Variants in CECR2 observed in about 807,000 individuals in gnomAD.
CECR2 encodes the protein CECR2 histone acetyl-lysine reader.
A neutral mutation model predicts 154.5 loss-of-function variants in CECR2; 30 were observed. The observed-to-expected ratio is 0.19, with a 90% CI of 0.15 to 0.26. The LOEUF is 0.26. Among genes scored for constraint, CECR2 ranks in the 10% least tolerant of loss-of-function variants. The pLI is 1.00. For synonymous variants in CECR2, 725 were observed against 683.7 expected, an observed-to-expected ratio of 1.06 and a Z score of -0.94; for missense variants, 1,743 against 1,829.3, an observed-to-expected ratio of 0.95 and a Z score of 0.86.
intron 1 of CECR2, among the ~76,000 whole-genome samples, chr22:17,378,254 A>G (rs2146460270): frequency 6.8e-6 from 1 of 147,762 alleles, no homozygotes; most frequent in Middle Eastern, 3.8e-3. Flanking sequence ...AAGTGCTGGG[A>G]TTACAGGTGT....
chr22:17,472,421 C>T (rs1241965688), intron 1 of CECR2, among the ~76,000 whole-genome samples: 1 of 152,190 alleles, frequency 6.6e-6, no homozygotes, highest in African/African-American at 2.4e-5. Flanking sequence ...CTTCAAGAGG[C>T]CTGCTTTGCA....
intron 9 of CECR2, among the ~76,000 whole-genome samples, chr22:17,530,944 C>T (rs778420328): frequency 1.3e-5 from 2 of 152,168 alleles, no homozygotes; most frequent in Admixed American, 6.6e-5. Context: ...TTTAACGTTA[C>T]AGACTGGAGT....
chr22:17,463,510 C>T (rs925542245), intron 1 of CECR2, among the ~76,000 whole-genome samples: 2 of 151,984 alleles, frequency 1.3e-5, no homozygotes, highest in African/African-American at 4.8e-5. Flanking sequence ...ATATAGTCAT[C>T]AGGATTTGTT....
chr22:17,391,627 A>G (rs1000144723), intron 1 of CECR2, among the ~76,000 whole-genome samples: 2 of 152,210 alleles, frequency 1.3e-5, no homozygotes, highest in African/African-American at 4.8e-5. Context: ...ATTTTCTTTC[A>G]TTTTAGATTT....
At chr22:17,479,449 G>C (rs553637849) in intron 2 of CECR2, among the ~76,000 whole-genome samples, 10 of 152,300 alleles carry the variant, frequency 6.6e-5, no homozygotes, top group African/African-American at 2.4e-4. Flanking sequence ...AATTACAACA[G>C]TAAGTGCTTA....
upstream of CECR2, among the ~76,000 whole-genome samples, chr22:17,367,737 G>C (rs1013913837): frequency 6.6e-6 from 1 of 152,338 alleles, no homozygotes; most frequent in East Asian, 1.9e-4. Flanking sequence ...GGAAATAAAA[G>C]ACGGAGAAGC....
intron 1 of CECR2, among the ~76,000 whole-genome samples, chr22:17,443,483 C>G (rs1354362349): frequency 6.6e-6 from 1 of 152,098 alleles, no homozygotes; most frequent in African/African-American, 2.4e-5. Context: ...TGGAAAGGCA[C>G]CAGCAGGGAG....
intron 9 of CECR2, among the ~76,000 whole-genome samples, chr22:17,535,391 A>G (rs544709799): frequency 6.3e-4 from 96 of 152,264 alleles, no homozygotes; most frequent in African/African-American, 2.2e-3. Context: ...AAGTTTACAT[A>G]TATACTTTTT....
rs1208276576 is a variant in CECR2 at position 17,556,435 on chromosome 22, G to A, written c.*3595G>A. ...CATTATCCCATGCCATTTATCTGCT[G>A]TATAGTTACTATATTATTTTTGCTG... On this transcript the variant is annotated 3_prime_UTR_variant, in exon 19 of 19. Coordinates refer to ENST00000262608, the MANE Select transcript of CECR2 (RefSeq NM_001290047.2). 1.3e-5 allele frequency: 2 copies of A among 152,162 alleles called. No homozygotes were observed. Among genetic ancestry groups the A allele is most frequent in the East Asian group, 1.9e-4 (1 of 5,200 alleles). 9.4% of individuals were successfully genotyped at this position (152,162 alleles called of 1,614,324 possible). A position where few individuals can be genotyped will look rare whatever the true frequency, so the allele number is the denominator to read the frequency against.
intron 1 of CECR2, among the ~76,000 whole-genome samples, chr22:17,473,733 C>A (rs1016949083): frequency 6.6e-6 from 1 of 152,092 alleles, no homozygotes; most frequent in Non-Finnish European, 1.5e-5. Flanking sequence ...TTGTAGTAAA[C>A]ACATTTTAAA....
At chr22:17,452,406 A>C (rs938096272) in intron 1 of CECR2, among the ~76,000 whole-genome samples, 4 of 152,116 alleles carry the variant, frequency 2.6e-5, no homozygotes, top group African/African-American at 9.7e-5. Flanking sequence ...AGTCTTTTTT[A>C]AAAGGATCCC....
Position 17,548,405 on chromosome 22 carries a change from G to C in CECR2, c.3118G>C (p.Val1040Leu). Reference protein sequence around the residue: ...SYPGPAAQGCVRDLSTVADRG... With the variant: ...SYPGPAAQGCLRDLSTVADRG... ...CCCCGGCCCAGCCGCCCAAGGGTGC[G>C]TGAGAGACCTCTCCACGGTGGCAGA... Residue 1040 changes from valine to leucine, a missense_variant, in exon 17 of 19, where the codon GTG (valine) becomes CTG (leucine). Around this residue, in one of 4 missense-constraint regions of CECR2, gnomAD observed 1,250 missense variants for 1,192.1 expected, o/e 1.05. Transcript: ENST00000262608. 1 of 1,613,902 alleles carries C rather than the reference G, an allele frequency of 6.2e-7. No individual in the cohort carries two copies. The highest frequency in any genetic ancestry group is 8.5e-7 in the Non-Finnish European group (1 of 1,179,858).
intron 2 of CECR2, 96 bp downstream of exon 2, chr22:17,477,778 A>T: frequency 1.2e-6 from 1 of 836,568 alleles, no homozygotes; most frequent in Non-Finnish European, 2.0e-6. Context: ...ACCAGAACCG[A>T]TCATTAGGCA....
chr22:17,436,844 T>C (rs1359580226), intron 1 of CECR2, among the ~76,000 whole-genome samples: 1 of 152,266 alleles, frequency 6.6e-6, no homozygotes, highest in Non-Finnish European at 1.5e-5. Flanking sequence ...AGCCTTGGGC[T>C]CTTGCGCCTC....
intron 1 of CECR2, among the ~76,000 whole-genome samples, chr22:17,379,378 G>C (rs1239513822): frequency 6.6e-6 from 1 of 152,222 alleles, no homozygotes; most frequent in Non-Finnish European, 1.5e-5. Context: ...CCTACAAAAG[G>C]CCTCCCTGAA....
chr22:17,360,458 G>A (rs942422793), intron 1 of CECR2, among the ~76,000 whole-genome samples: 3 of 152,158 alleles, frequency 2.0e-5, no homozygotes, highest in Non-Finnish European at 4.4e-5. Flanking sequence ...GAGGCCGGCA[G>A]ATCAGTTCAG....
Position 17,403,827 on chromosome 22 carries a change from GT to G in CECR2, c.126+33922del, listed in dbSNP as rs2053932825. On this transcript the variant is annotated intron_variant, in intron 1 of 18. Transcript: ENST00000262608. Reference sequence around the variant, plus strand: ...TTGTTTCTTACATTTTCTTCTAGAAGTTTTATTGTTTTAGATTTACCATTTA... The same window carrying G: ...TTGTTTCTTACATTTTCTTCTAGAAGTTTATTGTTTTAGATTTACCATTTA... 2.3e-5 allele frequency among the ~76,000 whole-genome samples: 3 copies of G among 131,656 alleles called. No individual in the cohort carries two copies. In the South Asian group the frequency reaches 6.9e-4, roughly 30 times the overall value. The allele number at this position is 131,656 out of a possible 152,430, so 86.4% of individuals were successfully genotyped here.
intron 1 of CECR2, among the ~76,000 whole-genome samples, chr22:17,437,125 T>C (rs183067993): frequency 2.6e-5 from 4 of 152,226 alleles, no homozygotes; most frequent in Admixed American, 2.6e-4. Flanking sequence ...GGTGTTTGTT[T>C]CTAGTTCTCT....
chr22:17,449,323 T>C (rs73377035), intron 1 of CECR2, among the ~76,000 whole-genome samples: 9 of 152,062 alleles, frequency 5.9e-5, no homozygotes, highest in African/African-American at 2.2e-4. Context: ...CACCTGTTTG[T>C]CTGTTTCTCG....
Sources: allele counts gnomAD v4.1 joint callset (sites outside exome capture counted in the v4.1 genomes callset), GRCh38; gene constraint gnomAD v4.1.1; regional missense constraint gnomAD v4.1.1; transcripts MANE v1.5; gene names NCBI Gene and HGNC (gene_info 2026-07-23, HGNC 2026-07-21).